RHOBTB3: variants seen among roughly 807,000 people sequenced by gnomAD.
RHOBTB3 encodes rho-related BTB domain-containing protein 3.
In RHOBTB3, 47 loss-of-function variants were observed where a neutral mutation model predicts 67.2. That is an observed-to-expected ratio of 0.70 (90% CI 0.55 to 0.89). The LOEUF is 0.89. RHOBTB3 is among the 40% of genes least tolerant of loss of function. The probability of loss-of-function intolerance (pLI) is 0.00; values close to 1 mark genes in which losing one functional copy is unlikely to be tolerated. For synonymous variants in RHOBTB3, 273 were observed against 274.2 expected, an observed-to-expected ratio of 1.00 and a Z score of 0.04; for missense variants, 631 against 750.0, an observed-to-expected ratio of 0.84 and a Z score of 1.85.
intron 2 of RHOBTB3, among the ~76,000 whole-genome samples, chr5:95,735,676 G>A (rs1755438346): frequency 6.6e-6 from 1 of 152,162 alleles, no homozygotes; most frequent in South Asian, 2.1e-4. Flanking sequence ...CACATAAAAA[G>A]ACAAATGATT....
chr5:95,731,620 C>G lies in RHOBTB3; in HGVS notation c.-63C>G. ...TGCGGGTGAACTCGCCGCCCGGGGG[C>G]CCCGCGAAGCCGTGAGCCGCTGCTT... On this transcript the variant is annotated 5_prime_UTR_variant, in exon 1 of 12. Coordinates refer to ENST00000379982, the MANE Select transcript of RHOBTB3 (RefSeq NM_014899.4). 1.2e-6 allele frequency: 2 copies of G among 1,606,068 alleles called. No individual in the cohort carries two copies. The highest frequency in any genetic ancestry group is 1.7e-5 in the Admixed American group (1 of 59,220).
chr5:95,752,213 C>G, intron 4 of RHOBTB3, 26 bp from the exon 5 acceptor site: 1 of 1,337,460 alleles, frequency 7.5e-7, no homozygotes, highest in East Asian at 2.3e-5. Flanking sequence ...GTTGGATCTT[C>G]AATTAAAATT....
chr5:95,749,524 C>T (rs531203094), intron 4 of RHOBTB3, among the ~76,000 whole-genome samples: 2 of 152,266 alleles, frequency 1.3e-5, no homozygotes, highest in South Asian at 2.1e-4. Flanking sequence ...TTGATATTAT[C>T]GATGACTGTG....
At chr5:95,792,091 A>C (rs915546725) in intron 11 of RHOBTB3, among the ~76,000 whole-genome samples, 6 of 152,216 alleles carry the variant, frequency 3.9e-5, no homozygotes, top group African/African-American at 1.2e-4. Context: ...GGCAGGAAGC[A>C]GGTCCAGAAA....
chr5:95,737,818 A>G (rs1231167515), intron 3 of RHOBTB3, among the ~76,000 whole-genome samples: 1 of 152,242 alleles, frequency 6.6e-6, no homozygotes, highest in Non-Finnish European at 1.5e-5. Context: ...CGCAACCCAC[A>G]TACATCAAGG....
intron 6 of RHOBTB3, chr5:95,756,030 C>A: frequency 2.6e-6 from 1 of 377,838 alleles, no homozygotes; most frequent in Non-Finnish European, 4.8e-6. Flanking sequence ...CCATCTTAAC[C>A]ATTTTTAAGA....
At chr5:95,730,927 G>C (rs1396064327), upstream of RHOBTB3, 1 of 460,092 alleles carries the variant, frequency 2.2e-6, no homozygotes, top group African/African-American at 2.0e-5. Context: ...GCCAAGAGGG[G>C]GGGAAATCGG....
chr5:95,757,604 T>C (rs972261912), intron 6 of RHOBTB3, among the ~76,000 whole-genome samples: 8 of 152,120 alleles, frequency 5.3e-5, no homozygotes, highest in Non-Finnish European at 1.0e-4. Flanking sequence ...TGGTTTGTGG[T>C]CATGTAATTT....
chr5:95,747,891 A>G lies in RHOBTB3; in HGVS notation c.416-442A>G, dbSNP rs999200740. Among the ~76,000 whole-genome samples the G allele has an allele frequency of 5.3e-5, 8 of 152,342 alleles. No homozygotes were observed. The East Asian group carries it at 1.3e-3, about 26-fold the overall frequency. ...GAAGGTTCTGTTACAATAGAAGTGTAAGGTTTACTCAAACTTTGTAAATAG... is the reference window on the plus strand; with the variant it reads ...GAAGGTTCTGTTACAATAGAAGTGTGAGGTTTACTCAAACTTTGTAAATAG... On this transcript the variant is annotated intron_variant, in intron 3 of 11. Transcript: ENST00000379982.
Position 95,731,478 on chromosome 5 carries a change from C to A in RHOBTB3, c.-205C>A. 1 of 1,225,794 alleles carries A rather than the reference C, an allele frequency of 8.2e-7. No homozygotes were observed. Among genetic ancestry groups the A allele is most frequent in the Non-Finnish European group, 1.0e-6 (1 of 987,040 alleles). The allele number at this position is 1,225,794 out of a possible 1,614,324, so 75.9% of individuals were successfully genotyped here. On this transcript the variant is annotated 5_prime_UTR_variant, in exon 1 of 12. Coordinates refer to ENST00000379982, the MANE Select transcript of RHOBTB3 (RefSeq NM_014899.4). The stretch of plus-strand genomic sequence containing the variant: ...GAGTAGCGGCAGCTTATCCCCCGCC[C>A]GCTAGCCCGCCCTGGTCCCCGGCTC...
In RHOBTB3 at chr5:95,749,755, G is replaced by C. The variant is rs140231569; in HGVS notation, c.570+1268G>C. Among the ~76,000 whole-genome samples, 840 of 152,282 alleles carry C rather than the reference G, an allele frequency of 5.5e-3. 10 individuals carry two copies. The highest frequency in any genetic ancestry group is 0.047 in the South Asian group (225 of 4,820). Reference sequence around the variant, plus strand: ...AGGTTCATTTGTCAGATAGTTTTATGCACTAGATTTGGTTTCATTTGTTGA... The same window carrying C: ...AGGTTCATTTGTCAGATAGTTTTATCCACTAGATTTGGTTTCATTTGTTGA... On this transcript the variant is annotated intron_variant, in intron 4 of 11. Transcript: ENST00000379982.
chr5:95,786,790 A>C (rs1250813103), intron 10 of RHOBTB3, among the ~76,000 whole-genome samples: 1 of 152,134 alleles, frequency 6.6e-6, no homozygotes, highest in Non-Finnish European at 1.5e-5. Flanking sequence ...TGCCTTTTTA[A>C]AAATTCTGTT....
At position 95,755,701 on chromosome 5, in the gene RHOBTB3, A is replaced by G. The variant is rs1394057050; in HGVS notation, c.988A>G (p.Ile330Val). ...TTCAGGCAACCCACCATTACGAGTC[A>G]TTGTTAAAGACGCCCTCTTCTGTTC... ...ESSGNPPLRV[I>V]VKDALFCSCL... The change falls in exon 6 of 12, where the codon ATT becomes GTT. Residue 330 changes from isoleucine (I) to valine (V), a missense_variant. By Grantham distance (29) the Ile-to-Val change is conservative. Coordinates refer to ENST00000379982, the MANE Select transcript of RHOBTB3 (RefSeq NM_014899.4). 3.1e-6 allele frequency: 5 copies of G among 1,613,950 alleles called. No individual in the cohort carries two copies. Among genetic ancestry groups the G allele is most frequent in the East Asian group, 2.2e-5 (1 of 44,894 alleles).
intron 8 of RHOBTB3, among the ~76,000 whole-genome samples, chr5:95,777,372 T>C (rs1704269482): frequency 6.6e-6 from 1 of 152,236 alleles, no homozygotes; most frequent in Admixed American, 6.5e-5. Context: ...AGATTCTTGA[T>C]AATCTATGTA....
intron 8 of RHOBTB3, among the ~76,000 whole-genome samples, chr5:95,773,592 A>G (rs1408314735): frequency 6.6e-6 from 1 of 152,200 alleles, no homozygotes; most frequent in African/African-American, 2.4e-5. Context: ...TTGTGAAGTG[A>G]AGAGGGTGAC....
intron 8 of RHOBTB3, chr5:95,769,361 A>C (rs1288237693): frequency 4.4e-6 from 2 of 453,498 alleles, no homozygotes; most frequent in Non-Finnish European, 8.8e-6. Flanking sequence ...CTGTACTTGC[A>C]CTCCCTATGG....
chr5:95,749,598 T>G (rs1745032290), intron 4 of RHOBTB3, among the ~76,000 whole-genome samples: 1 of 152,184 alleles, frequency 6.6e-6, no homozygotes, highest in Admixed American at 6.5e-5. Context: ...TAAGAGAAAT[T>G]TAATCTTCCT....
chr5:95,764,172 C>T (rs889619972), intron 7 of RHOBTB3, among the ~76,000 whole-genome samples: 7 of 152,202 alleles, frequency 4.6e-5, no homozygotes, highest in Admixed American at 1.3e-4. Context: ...TTAAAATGCT[C>T]GTTTGCGAAT....
upstream of RHOBTB3, among the ~76,000 whole-genome samples, chr5:95,727,022 G>A (rs1755074670): frequency 1.3e-5 from 2 of 151,826 alleles, no homozygotes. Flanking sequence ...TGGAATTTCA[G>A]GGATCATCTT....
Sources: gnomAD v4.1 joint callset for allele counts (sites outside exome capture counted in the v4.1 genomes callset) on GRCh38, gnomAD v4.1.1 for gene constraint, MANE v1.5 for transcripts, NCBI Gene and HGNC (gene_info 2026-07-23, HGNC 2026-07-21) for gene names.